Variants in SPACA1 observed in about 807,000 individuals in gnomAD.
SPACA1 encodes sperm acrosome associated 1, also known as sperm acrosome membrane-associated protein 1.
Under a neutral mutation model 32.6 loss-of-function variants are expected in SPACA1, and 17 were observed. The ratio of observed to expected loss-of-function variants is 0.52; its 90% CI spans 0.36 to 0.78. The LOEUF is 0.78. Among genes scored for constraint, SPACA1 ranks in the 30% least tolerant of loss-of-function variants. The pLI is 0.01. For missense variants in SPACA1, 363 were observed against 373.4 expected (o/e 0.97, Z 0.23); for synonymous variants, 140 against 138.1 (o/e 1.01, Z -0.10).
chr6:88,064,112 A>G lies in SPACA1; in HGVS notation c.624A>G (p.Arg208=). 1 of 1,613,344 alleles carries G rather than the reference A, an allele frequency of 6.2e-7. No homozygotes were observed. The highest frequency in any genetic ancestry group is 8.5e-7 in the Non-Finnish European group (1 of 1,179,574). ...TVYTSSELQM[R]RSSLPATDAA... is the part of the protein sequence containing the mutation. ...TGTTTTCTCTAGAATTGCAGATGAG[A>G]AGATCAAGCCTACCAGCCACTGATG... The change falls in exon 6 of 7, where the codon AGA becomes AGG. Residue 208 remains arginine, a synonymous_variant. Transcript: ENST00000237201.
rs912384960 is a variant in SPACA1, at chr6:88,047,970, C to G, written c.65C>G (p.Ala22Gly). Residue 22 changes from alanine to glycine, a missense_variant, in exon 1 of 7, where the codon GCG becomes GGG. Coordinates refer to ENST00000237201, the MANE Select transcript of SPACA1 (RefSeq NM_030960.3). ...ATGACTGTCGGCTGGCTGCTTCTGG[C>G]GGGCCTCCAGTCCGCGCGCGGGACC... is the stretch of plus-strand genomic sequence containing the variant. ...LLMTVGWLLL[A>G]GLQSARGTNV... The G allele has an allele frequency of 6.4e-7, 1 of 1,565,686 alleles. No homozygotes were observed. Among genetic ancestry groups the G allele is most frequent in the African/African-American group, 1.4e-5 (1 of 73,976 alleles).
chr6:88,061,550 A>G (rs566417888), intron 5 of SPACA1, among the ~76,000 whole-genome samples: 1 of 152,206 alleles, frequency 6.6e-6, no homozygotes, highest in South Asian at 2.1e-4. Flanking sequence ...AATGGAGACA[A>G]AAATTGGAGT....
chr6:88,048,599 T>C (rs1582265676), intron 1 of SPACA1, among the ~76,000 whole-genome samples: 1 of 152,286 alleles, frequency 6.6e-6, no homozygotes, highest in Non-Finnish European at 1.5e-5. Flanking sequence ...AGAAGCCCCA[T>C]GGCAGCTTCC....
intron 6 of SPACA1, 86 bp downstream of exon 6, chr6:88,064,305 C>T (rs910388764): frequency 8.7e-6 from 12 of 1,381,096 alleles, no homozygotes; most frequent in East Asian, 4.8e-5. Flanking sequence ...AAGCCCTGTC[C>T]GTGATGTCTC....
Position 88,053,892 on chromosome 6 carries a change from A to G in SPACA1, c.209-54A>G, listed in dbSNP as rs1775766832. ...TTCATCTCCAAGTAAGAGGTGTTTC[A>G]CTTAGAAAAGTTTTCATATAATTAA... On this transcript the variant is annotated intron_variant, in intron 1 of 6. Coordinates refer to ENST00000237201, the MANE Select transcript of SPACA1 (RefSeq NM_030960.3). 8 of 1,488,564 alleles carry G rather than the reference A, an allele frequency of 5.4e-6. No homozygotes were observed. The South Asian group carries it at 9.3e-5, about 17-fold the overall frequency. The allele number at this position is 1,488,564 out of a possible 1,614,324, so 92.2% of individuals were successfully genotyped here. A position where few individuals can be genotyped will look rare whatever the true frequency, so the allele number is the denominator to read the frequency against.
chr6:88,047,880 TCGGAC>T lies in SPACA1; in HGVS notation c.-25_-21del, dbSNP rs1317244808. On this transcript the variant is annotated 5_prime_UTR_variant, in exon 1 of 7. Transcript: ENST00000237201. Reference sequence around the variant, plus strand: ...CAGGAGCCGCGGCGGCGACTGCGCCTCGGACGGCCGTCGGGGCCGAGAACCATGAG... The same window carrying T: ...CAGGAGCCGCGGCGGCGACTGCGCCTGGCCGTCGGGGCCGAGAACCATGAG... The T allele has an allele frequency of 6.6e-7, 1 of 1,513,428 alleles. No individual in the cohort carries two copies. The highest frequency in any genetic ancestry group is 8.9e-7 in the Non-Finnish European group (1 of 1,128,026). The allele number at this position is 1,513,428 out of a possible 1,614,324, so 93.7% of individuals were successfully genotyped here. A position where few individuals can be genotyped will look rare whatever the true frequency, so the allele number is the denominator to read the frequency against.
chr6:88,062,800 G>A (rs183039688), intron 5 of SPACA1, among the ~76,000 whole-genome samples: 7 of 152,138 alleles, frequency 4.6e-5, no homozygotes, highest in African/African-American at 1.2e-4. Flanking sequence ...GAGAGGGGTC[G>A]GGGTATGTGG....
Position 88,053,971 on chromosome 6 carries a change from A to C in SPACA1, c.234A>C (p.Glu78Asp). 6.2e-7 allele frequency: 1 copy of C among 1,613,670 alleles called. No individual in the cohort carries two copies. ...EDVSNRNVVK[E>D]VEFGMCTVTC... is the part of the protein sequence containing the mutation. ...TTTCAAATAGGAATGTCGTCAAAGA[A>C]GTAGAATTCGGAATGTGCACCGTTA... Residue 78 changes from glutamate to aspartate, a missense_variant, in exon 2 of 7, where the codon GAA becomes GAC. Transcript: ENST00000237201.
chr6:88,048,638 A>C (rs1198617670), intron 1 of SPACA1, among the ~76,000 whole-genome samples: 1 of 152,156 alleles, frequency 6.6e-6, no homozygotes. Context: ...GCACCTCTGC[A>C]TTGTGGTGTT....
intron 2 of SPACA1, among the ~76,000 whole-genome samples, chr6:88,057,065 A>G (rs1052509933): frequency 1.3e-5 from 2 of 152,170 alleles, no homozygotes; most frequent in Admixed American, 1.3e-4. Flanking sequence ...CCATGGTCAA[A>G]TAAGTTTGGG....
Position 88,048,068 on chromosome 6 carries a change from G to C in SPACA1, c.163G>C (p.Asp55His), listed in dbSNP as rs1562476780. 3 of 1,603,190 alleles carry C rather than the reference G, an allele frequency of 1.9e-6. No individual in the cohort carries two copies. The highest frequency in any genetic ancestry group is 4.5e-5 in the East Asian group (2 of 44,424). The change falls in exon 1 of 7, where the codon GAC (aspartate) becomes CAC (histidine). Residue 55 changes from aspartate to histidine, a missense_variant. Coordinates refer to ENST00000237201, the MANE Select transcript of SPACA1 (RefSeq NM_030960.3). ...GGGCGAGGAGGAGACCGAAAACAACGACAGCGAGACCGCGGAGAACTACGC... is the reference window on the plus strand; with the variant it reads ...GGGCGAGGAGGAGACCGAAAACAACCACAGCGAGACCGCGGAGAACTACGC... ...GEGEEETENNDSETAENYAPP... is the reference protein window; with the variant it reads ...GEGEEETENNHSETAENYAPP...
upstream of SPACA1, among the ~76,000 whole-genome samples, chr6:88,047,044 T>G (rs1775647777): frequency 6.6e-6 from 1 of 152,134 alleles, no homozygotes; most frequent in Admixed American, 6.5e-5. Context: ...ACAACCACAT[T>G]GTGACTACTA....
intron 1 of SPACA1, among the ~76,000 whole-genome samples, chr6:88,052,078 G>C (rs1254388866): frequency 6.6e-6 from 1 of 152,140 alleles, no homozygotes; most frequent in African/African-American, 2.4e-5. Context: ...ATGCCAAACT[G>C]AAGTCCAGTT....
upstream of SPACA1, chr6:88,047,811 G>A: frequency 8.2e-7 from 1 of 1,220,938 alleles, no homozygotes; most frequent in Non-Finnish European, 1.1e-6. Context: ...GGAGCCGGGC[G>A]GCTACGGGCG....
At chr6:88,053,853 T>C (rs750163821) in intron 1 of SPACA1, 93 bp from the exon 2 acceptor site, 27 of 1,015,216 alleles carry the variant, frequency 2.7e-5, no homozygotes, top group Non-Finnish European at 3.7e-5. Context: ...GCTGCCCATA[T>C]CATACACATG....
intron 4 of SPACA1, 59 bp downstream of exon 4, chr6:88,058,881 A>T: frequency 8.7e-7 from 1 of 1,144,148 alleles, no homozygotes; most frequent in Non-Finnish European, 1.3e-6. Context: ...TTTGTTTCTC[A>T]GTTCTGATGG....
intron 1 of SPACA1, among the ~76,000 whole-genome samples, chr6:88,051,782 C>G (rs899200244): frequency 2.0e-5 from 3 of 152,182 alleles, no homozygotes; most frequent in Non-Finnish European, 4.4e-5. Context: ...TTATTTCACC[C>G]TGTCATCTTT....
At position 88,047,911 on chromosome 6, in the gene SPACA1, C is replaced by A. The variant is rs1222741055; in HGVS notation, c.6C>A (p.Ser2Arg). Residue 2 changes from serine (S) to arginine (R), a missense_variant, in exon 1 of 7, where the codon AGC (serine) becomes AGA (arginine). By Grantham distance (110) the Ser-to-Arg change is moderately radical. Coordinates refer to ENST00000237201, the MANE Select transcript of SPACA1 (RefSeq NM_030960.3). M[S>R]PRGTGCSAGL... ...GGCCGTCGGGGCCGAGAACCATGAG[C>A]CCCAGGGGCACGGGCTGCTCCGCCG... is the stretch of plus-strand genomic sequence containing the variant. 6.4e-7 allele frequency: 1 copy of A among 1,553,080 alleles called. No homozygotes were observed. The highest frequency in any genetic ancestry group is 1.4e-5 in the African/African-American group (1 of 73,666).
intron 5 of SPACA1, among the ~76,000 whole-genome samples, chr6:88,062,786 AAG>A (rs1264104588): frequency 9.2e-5 from 14 of 152,098 alleles, no homozygotes; most frequent in Admixed American, 4.6e-4. Context: ...CCATTTCCTA[AAG>A]AGAGAGGGGT....
Sources: allele counts gnomAD v4.1 joint callset (sites outside exome capture counted in the v4.1 genomes callset), GRCh38; gene constraint gnomAD v4.1.1; transcripts MANE v1.5; gene names NCBI Gene and HGNC (gene_info 2026-07-23, HGNC 2026-07-21).